The following SH3TC2 variants were observed in gnomAD, a reference collection of about 807,000 sequenced individuals.
The protein encoded by SH3TC2 is SH3 domain and tetratricopeptide repeat-containing protein 2.
Under a neutral mutation model 124.5 loss-of-function variants are expected in SH3TC2, and 87 were observed. The ratio of observed to expected loss-of-function variants is 0.70; its 90% CI spans 0.59 to 0.84. The LOEUF (loss-of-function observed/expected upper bound fraction) is 0.84, where lower values mean the gene tolerates loss of function less well. Ranked by LOEUF, SH3TC2 falls within the 40% of genes least tolerant of loss-of-function variation. SH3TC2 has a pLI of 0.00. For missense variants in SH3TC2, 1,536 were observed against 1,566.4 expected (o/e 0.98, Z 0.33); for synonymous variants, 634 against 628.5 (o/e 1.01, Z -0.13).
chr5:149,056,698 G>A (rs1463493171), intron 1 of SH3TC2, among the ~76,000 whole-genome samples: 1 of 152,150 alleles, frequency 6.6e-6, no homozygotes, highest in East Asian at 1.9e-4. Flanking sequence ...ACCTCTCTGA[G>A]AAACAATAAG....
chr5:149,016,482 G>T lies in SH3TC2; in HGVS notation c.3054-3748C>A, dbSNP rs1011023000. On this transcript the variant is annotated intron_variant, in intron 12 of 16. Transcript: ENST00000515425. Reference sequence around the variant, plus strand: ...GTGCATTATAGCCTTGTGATCAGATGATGACATTTCAGGAAAAGCAATTCT... The same window carrying T: ...GTGCATTATAGCCTTGTGATCAGATTATGACATTTCAGGAAAAGCAATTCT... Among the ~76,000 whole-genome samples, 9 of 152,146 alleles carry T rather than the reference G, an allele frequency of 5.9e-5. No individual in the cohort carries two copies. In the South Asian group the frequency reaches 1.9e-3, roughly 32 times the overall value.
intron 15 of SH3TC2, 28 bp from the exon 16 acceptor site, chr5:149,007,105 T>A: frequency 1.2e-6 from 2 of 1,606,188 alleles, no homozygotes; most frequent in Non-Finnish European, 8.5e-7. Flanking sequence ...GAGAGAGATA[T>A]CCTGCAACCA....
At chr5:149,029,419 T>C (rs1051927531) in intron 9 of SH3TC2, among the ~76,000 whole-genome samples, 2 of 152,056 alleles carry the variant, frequency 1.3e-5, no homozygotes, top group Admixed American at 6.5e-5. Context: ...AGGCAGATAA[T>C]GATGTAGGTC....
chr5:149,032,107 G>T (rs1274315828), intron 8 of SH3TC2, among the ~76,000 whole-genome samples: 1 of 152,112 alleles, frequency 6.6e-6, no homozygotes, highest in Non-Finnish European at 1.5e-5. Flanking sequence ...TTGTCCTTAG[G>T]TTACTTCAAG....
Position 149,036,675 on chromosome 5 carries a change from C to G in SH3TC2, c.1001+1620G>C, listed in dbSNP as rs79168475. 5.5e-3 allele frequency among the ~76,000 whole-genome samples: 843 copies of G among 152,242 alleles called. 16 individuals are homozygous for G. Among genetic ancestry groups the G allele is most frequent in the East Asian group, 0.052 (269 of 5,170 alleles). The stretch of plus-strand genomic sequence containing the variant: ...TTCATCCCTGGGGTCCTCTGTTCCC[C>G]CTGTGGTAACATGAAGGGGTGGTTC... On this transcript the variant is annotated intron_variant, in intron 8 of 16. Transcript: ENST00000515425.
At chr5:149,011,864 A>G (rs1047586553) in intron 13 of SH3TC2, among the ~76,000 whole-genome samples, 2 of 152,250 alleles carry the variant, frequency 1.3e-5, no homozygotes, top group Non-Finnish European at 2.9e-5. Context: ...TACAGATAGT[A>G]ATAAAACACT....
chr5:149,010,524 T>G (rs1753766429), intron 13 of SH3TC2, 132 bp from the exon 14 acceptor site: 2 of 1,218,992 alleles, frequency 1.6e-6, no homozygotes, highest in African/African-American at 1.5e-5. Flanking sequence ...CCTAAATGTC[T>G]TCACACTCCT....
At chr5:149,038,243 A>C in intron 8 of SH3TC2, 52 bp downstream of exon 8, 2 of 1,584,742 alleles carry the variant, frequency 1.3e-6, no homozygotes, top group Non-Finnish European at 1.7e-6. Context: ...GAGGGGAGGG[A>C]ACCCTGGGAA....
chr5:149,030,295 TC>T (rs1754167038), intron 9 of SH3TC2, among the ~76,000 whole-genome samples: 1 of 152,214 alleles, frequency 6.6e-6, no homozygotes, highest in African/African-American at 2.4e-5. Flanking sequence ...CAAGATGTTC[TC>T]CTGCTGCTTG....
intron 12 of SH3TC2, among the ~76,000 whole-genome samples, chr5:149,023,953 T>A (rs1754021169): frequency 6.6e-6 from 1 of 152,200 alleles, no homozygotes; most frequent in African/African-American, 2.4e-5. Flanking sequence ...TCACTATATG[T>A]AATTTGGTTC....
At position 149,002,570 on chromosome 5, in the gene SH3TC2, G is replaced by T. The variant is rs535223944; in HGVS notation, c.*2141C>A. 1 of 152,150 alleles carries T rather than the reference G, an allele frequency of 6.6e-6. No homozygotes were observed. Among genetic ancestry groups the T allele is most frequent in the African/African-American group, 2.4e-5 (1 of 41,394 alleles). The allele number at this position is 152,150 out of a possible 1,614,324, so 9.4% of individuals were successfully genotyped here. On this transcript the variant is annotated 3_prime_UTR_variant, in exon 17 of 17. Coordinates refer to ENST00000515425, the MANE Select transcript of SH3TC2 (RefSeq NM_024577.4). ...CTTGATGACTAGAAGATGCAATGGC[G>T]GCTCAACTCACCACTCCCATCTCAC...
intron 5 of SH3TC2, among the ~76,000 whole-genome samples, 166 bp downstream of exon 5, chr5:149,042,525 CAGT>C (rs1754388923): frequency 6.6e-6 from 1 of 152,198 alleles, no homozygotes; most frequent in Non-Finnish European, 1.5e-5. Flanking sequence ...CGTGTAATGT[CAGT>C]GTTGAACTCA....
intron 3 of SH3TC2, chr5:149,046,393 T>G (rs1009090273): frequency 6.6e-6 from 1 of 152,226 alleles, no homozygotes; most frequent in Admixed American, 6.5e-5. Flanking sequence ...TTCCAAAATG[T>G]GCTTTTATCA....
Position 149,009,004 on chromosome 5 carries a change from A to G in SH3TC2, c.3328-3T>C. On this transcript the variant is annotated splice_region_variant and splice_polypyrimidine_tract_variant and intron_variant, in intron 14 of 16. Coordinates refer to ENST00000515425, the MANE Select transcript of SH3TC2 (RefSeq NM_024577.4). ...CTTGCTAAAGGAACAGCTCCAGCCT[A>G]GGAACAGAAGCCCAAGGAACCTTAG... 6.2e-7 allele frequency: 1 copy of G among 1,614,184 alleles called. No individual in the cohort carries two copies. Among genetic ancestry groups the G allele is most frequent in the Non-Finnish European group, 8.5e-7 (1 of 1,180,020 alleles).
Position 149,001,461 on chromosome 5 carries a change from G to T in SH3TC2, c.*3250C>A, listed in dbSNP as rs1311178444. 2 of 151,968 alleles carry T rather than the reference G, an allele frequency of 1.3e-5. No homozygotes were observed. Among genetic ancestry groups the T allele is most frequent in the Non-Finnish European group, 2.9e-5 (2 of 68,010 alleles). The allele number at this position is 151,968 out of a possible 1,614,324, so 9.4% of individuals were successfully genotyped here. ...AAAGAGGGTAACTAGATCATGTTTGGCTATGATACACTTATTTTTTTAAAT... is the reference window on the plus strand; with the variant it reads ...AAAGAGGGTAACTAGATCATGTTTGTCTATGATACACTTATTTTTTTAAAT... On this transcript the variant is annotated 3_prime_UTR_variant, in exon 17 of 17. Transcript: ENST00000515425.
Position 148,989,330 on chromosome 5 carries a change from A to G in SH3TC2, c.*15381T>C, listed in dbSNP as rs1185727128. On this transcript the variant is annotated 3_prime_UTR_variant, in exon 17 of 17. Coordinates refer to ENST00000515425, the MANE Select transcript of SH3TC2 (RefSeq NM_024577.4). ...TTTATTATCCCCATTTTACAGTTGAAAGAGCCATAGCTCAGAAAGATAAAG... is the reference window on the plus strand; with the variant it reads ...TTTATTATCCCCATTTTACAGTTGAGAGAGCCATAGCTCAGAAAGATAAAG... Among the ~76,000 whole-genome samples, 1 of 152,254 alleles carries G rather than the reference A, an allele frequency of 6.6e-6. No individual in the cohort carries two copies. Among genetic ancestry groups the G allele is most frequent in the East Asian group, 1.9e-4 (1 of 5,208 alleles).
At chr5:149,057,198 T>C (rs1307936989) in intron 1 of SH3TC2, among the ~76,000 whole-genome samples, 1 of 152,236 alleles carries the variant, frequency 6.6e-6, no homozygotes, top group African/African-American at 2.4e-5. Flanking sequence ...GCTTTGTCAA[T>C]TGCCCCAGTA....
chr5:149,057,547 T>C (rs1215480686), intron 1 of SH3TC2: 1 of 152,234 alleles, frequency 6.6e-6, no homozygotes, highest in East Asian at 1.9e-4. Context: ...CCATTCATTA[T>C]CTATTCAAAA....
rs1028902367 is a variant in SH3TC2, at chr5:149,048,164, C to G, written c.152-175G>C. 5.9e-6 allele frequency: 5 copies of G among 842,404 alleles called. No homozygotes were observed. In the African/African-American group the frequency reaches 8.5e-5, roughly 14 times the overall value. 52.2% of individuals were successfully genotyped at this position (842,404 alleles called of 1,614,324 possible). ...TCGGAGCACTCCTTTAAATGGTCCT[C>G]CCTTGAGGAAAAACACATACTGAAC... is the stretch of plus-strand genomic sequence containing the variant. On this transcript the variant is annotated intron_variant, in intron 2 of 16. Coordinates refer to ENST00000515425, the MANE Select transcript of SH3TC2 (RefSeq NM_024577.4).
Sources: allele counts gnomAD v4.1 joint callset (sites outside exome capture counted in the v4.1 genomes callset), GRCh38; gene constraint gnomAD v4.1.1; transcripts MANE v1.5; gene names NCBI Gene and HGNC (gene_info 2026-07-23, HGNC 2026-07-21).